The following SLC24A2 variants were observed in gnomAD, a reference collection of about 807,000 sequenced individuals.
SLC24A2 encodes the protein solute carrier family 24 member 2.
SLC24A2 carries 36 observed loss-of-function variants against 62.0 expected under a neutral mutation model. The ratio of observed to expected loss-of-function variants is 0.58; its 90% CI spans 0.44 to 0.77. The LOEUF (loss-of-function observed/expected upper bound fraction) is 0.77, where lower values mean the gene tolerates loss of function less well. SLC24A2 is among the 30% of genes least tolerant of loss of function. The probability of loss-of-function intolerance (pLI) is 0.00; values close to 1 mark genes in which losing one functional copy is unlikely to be tolerated. For missense variants in SLC24A2, 846 were observed against 817.9 expected (o/e 1.03, Z -0.42); for synonymous variants, 358 against 294.0 (o/e 1.22, Z -2.23).
the SLC24A2 span, among the ~76,000 whole-genome samples, chr9:20,057,673 ATCT>A: frequency 6.6e-6 from 1 of 152,204 alleles, no homozygotes. Flanking sequence ...CATATGTGCA[ATCT>A]ATTATTACTA....
At chr9:20,058,554 G>T in the SLC24A2 span, among the ~76,000 whole-genome samples, 6,569 of 151,444 alleles carry the variant, frequency 0.043, 451 homozygotes, top group African/African-American at 0.15. Context: ...TTTTTCTACA[G>T]TGGAGCATAA....
the SLC24A2 span, among the ~76,000 whole-genome samples, chr9:20,279,161 C>T: frequency 6.6e-6 from 1 of 152,206 alleles, no homozygotes; most frequent in Non-Finnish European, 1.5e-5. Context: ...TCCCATGACA[C>T]ATGGGGATTA....
At chr9:20,115,739 G>C in the SLC24A2 span, among the ~76,000 whole-genome samples, 3 of 152,152 alleles carry the variant, frequency 2.0e-5, no homozygotes, top group African/African-American at 7.2e-5. Flanking sequence ...AATACATTGA[G>C]AGCTCTGCTT....
At chr9:19,976,941 T>C in the SLC24A2 span, among the ~76,000 whole-genome samples, 1 of 151,918 alleles carries the variant, frequency 6.6e-6, no homozygotes, top group Non-Finnish European at 1.5e-5. Flanking sequence ...AAAAAGAAAA[T>C]AAACATAGTG....
At chr9:19,581,901 C>T (rs1243016241) in intron 5 of SLC24A2, among the ~76,000 whole-genome samples, 1 of 152,178 alleles carries the variant, frequency 6.6e-6, no homozygotes, top group South Asian at 2.1e-4. Context: ...AAAAAATATA[C>T]TCTCTTGTGG....
the SLC24A2 span, among the ~76,000 whole-genome samples, chr9:20,079,464 A>T: frequency 0.032 from 4,840 of 152,284 alleles, 237 homozygotes; most frequent in African/African-American, 0.11. Context: ...AATGCAAATG[A>T]AATACTATTT....
chr9:19,645,171 G>T (rs1454538588), intron 2 of SLC24A2, among the ~76,000 whole-genome samples: 1 of 152,166 alleles, frequency 6.6e-6, no homozygotes, highest in Non-Finnish European at 1.5e-5. Context: ...CATAAAAAAT[G>T]CTTGGACATT....
chr9:20,246,231 G>A, the SLC24A2 span, among the ~76,000 whole-genome samples: 3 of 152,144 alleles, frequency 2.0e-5, no homozygotes, highest in South Asian at 6.2e-4. Flanking sequence ...TTCAGAGCTG[G>A]AGTTATAGCA....
intron 8 of SLC24A2, among the ~76,000 whole-genome samples, chr9:19,533,472 G>A (rs937744908): frequency 6.6e-6 from 1 of 152,200 alleles, no homozygotes; most frequent in African/African-American, 2.4e-5. Flanking sequence ...TTGACCAAAA[G>A]AATGTATTGG....
chr9:20,045,625 G>T, the SLC24A2 span, among the ~76,000 whole-genome samples: 1 of 151,930 alleles, frequency 6.6e-6, no homozygotes, highest in Admixed American at 6.6e-5. Context: ...TAGAGGCGGG[G>T]TTTCACTATG....
the SLC24A2 span, among the ~76,000 whole-genome samples, chr9:20,000,874 G>C: frequency 9.0e-4 from 137 of 152,292 alleles, no homozygotes; most frequent in African/African-American, 3.2e-3. Flanking sequence ...GAAAAGTTAT[G>C]TATGAGAGGG....
the SLC24A2 span, among the ~76,000 whole-genome samples, chr9:20,168,900 G>T: frequency 6.6e-6 from 1 of 151,878 alleles, no homozygotes; most frequent in East Asian, 1.9e-4. Flanking sequence ...GCATTTGTTC[G>T]CCAATGTTCA....
the SLC24A2 span, among the ~76,000 whole-genome samples, chr9:20,016,572 A>T: frequency 6.6e-6 from 1 of 152,262 alleles, no homozygotes; most frequent in Non-Finnish European, 1.5e-5. Flanking sequence ...ATAATTCAAG[A>T]TAAATAAACT....
the SLC24A2 span, among the ~76,000 whole-genome samples, chr9:20,214,440 A>G: frequency 1.3e-5 from 2 of 151,918 alleles, no homozygotes; most frequent in Non-Finnish European, 2.9e-5. Context: ...GTGAAACCCC[A>G]TCTCTGCTAA....
chr9:20,203,246 C>A, the SLC24A2 span, among the ~76,000 whole-genome samples: 31,821 of 151,934 alleles, frequency 0.21, 3,434 homozygotes, highest in African/African-American at 0.25. Context: ...TGGTTTTACT[C>A]CCCTCCCTTT....
At chr9:19,769,959 G>C (rs1015949271) in intron 2 of SLC24A2, among the ~76,000 whole-genome samples, 1 of 151,978 alleles carries the variant, frequency 6.6e-6, no homozygotes, top group Non-Finnish European at 1.5e-5. Context: ...CAGGCACTGT[G>C]CACACTGTGC....
the SLC24A2 span, among the ~76,000 whole-genome samples, chr9:20,015,555 C>G: frequency 1.3e-5 from 2 of 152,184 alleles, no homozygotes; most frequent in Non-Finnish European, 2.9e-5. Context: ...TCACTGTGGC[C>G]AACCCCATCC....
chr9:19,815,428 A>C, the SLC24A2 span, among the ~76,000 whole-genome samples: 1 of 152,186 alleles, frequency 6.6e-6, no homozygotes, highest in Non-Finnish European at 1.5e-5. Context: ...AATTTCCCCA[A>C]AACCTGTTCC....
the SLC24A2 span, among the ~76,000 whole-genome samples, chr9:20,146,099 C>T: frequency 9.2e-4 from 140 of 152,162 alleles, 1 homozygote; most frequent in African/African-American, 3.4e-3. Flanking sequence ...AATTAACATT[C>T]TTGTGAATAT....
Sources: allele counts gnomAD v4.1 joint callset (sites outside exome capture counted in the v4.1 genomes callset), GRCh38; gene constraint gnomAD v4.1.1; transcripts MANE v1.5; gene names NCBI Gene and HGNC (gene_info 2026-07-23, HGNC 2026-07-21).